The following RNF214 variants were observed in gnomAD, a reference collection of about 807,000 sequenced individuals.
The protein encoded by RNF214 is ring finger protein 214.
RNF214 carries 25 observed loss-of-function variants against 75.9 expected under a neutral mutation model. That is an observed-to-expected ratio of 0.33 (90% CI 0.24 to 0.46). The LOEUF is 0.46. Ranked by LOEUF, RNF214 falls within the 20% of genes least tolerant of loss-of-function variation. The probability of loss-of-function intolerance (pLI) is 1.00; values close to 1 mark genes in which losing one functional copy is unlikely to be tolerated. For synonymous variants in RNF214, 314 were observed against 308.8 expected (o/e 1.02, Z -0.18); for missense variants, 725 against 857.5 (o/e 0.85, Z 1.93).
At chr11:117,284,287 G>C (rs2034195890) in intron 14 of RNF214, among the ~76,000 whole-genome samples, 1 of 152,214 alleles carries the variant, frequency 6.6e-6, no homozygotes, top group African/African-American at 2.4e-5. Flanking sequence ...AGACTGACAA[G>C]TCATTCCTAT....
chr11:117,232,985 G>A (rs1035253620), intron 1 of RNF214, among the ~76,000 whole-genome samples: 1 of 151,998 alleles, frequency 6.6e-6, no homozygotes, highest in Admixed American at 6.5e-5. Flanking sequence ...GCAGTCCCCT[G>A]TGGGGGGTGG....
chr11:117,255,351 C>T (rs1249937651), intron 6 of RNF214, among the ~76,000 whole-genome samples: 1 of 152,142 alleles, frequency 6.6e-6, no homozygotes, highest in African/African-American at 2.4e-5. Context: ...CCATAGATGA[C>T]TCCACTTTTT....
In RNF214 at chr11:117,251,918, G is replaced by C. The variant is rs137909965; in HGVS notation, c.959+4970G>C. Among the ~76,000 whole-genome samples, 859 of 152,162 alleles carry C rather than the reference G, an allele frequency of 5.6e-3. 9 individuals carry two copies. The highest frequency in any genetic ancestry group is 8.8e-3 in the Non-Finnish European group (599 of 68,000). On this transcript the variant is annotated intron_variant, in intron 6 of 14. Coordinates refer to ENST00000300650, the MANE Select transcript of RNF214 (RefSeq NM_207343.4). ...GAGTCTCACTCTGTTGCCCAGGCAG[G>C]AGTGCAGTGGCACGATCTTGGCTCA...
At chr11:117,244,378 C>T (rs2033156758) in intron 4 of RNF214, 67 bp from the exon 5 acceptor site, 2 of 1,343,372 alleles carry the variant, frequency 1.5e-6, no homozygotes, top group Non-Finnish European at 2.1e-6. Context: ...ATGCCTTGGA[C>T]AGGCACTGGT....
Position 117,282,049 on chromosome 11 carries a change from C to A in RNF214, c.1491C>A (p.Ser497Arg). The change falls in exon 11 of 15, where the codon AGC becomes AGA. Residue 497 changes from serine (S) to arginine (R), a missense_variant. Transcript: ENST00000300650. ...TGAACCCTGCCCTTTCCCAGCCCAG[C>A]CAGCCTTCCTCACCCCTTCCTGGCT... ...PILNPALSQP[S>R]QPSSPLPGSH... is the part of the protein sequence containing the mutation. 6.2e-7 allele frequency: 1 copy of A among 1,614,056 alleles called. No homozygotes were observed. The highest frequency in any genetic ancestry group is 1.1e-5 in the South Asian group (1 of 91,072).
intron 4 of RNF214, among the ~76,000 whole-genome samples, chr11:117,244,008 G>A (rs1281333708): frequency 6.6e-6 from 1 of 152,196 alleles, no homozygotes; most frequent in East Asian, 1.9e-4. Flanking sequence ...TTGAGACAGA[G>A]TCTTGCTCTG....
chr11:117,248,615 TC>T (rs759177457), intron 6 of RNF214, among the ~76,000 whole-genome samples: 76 of 152,302 alleles, frequency 5.0e-4, no homozygotes, highest in Middle Eastern at 3.4e-3. Flanking sequence ...TGTAGACCAA[TC>T]AGTTGTTCTG....
chr11:117,239,783 A>G lies in RNF214; in HGVS notation c.619-18A>G, dbSNP rs1394305283. On this transcript the variant is annotated intron_variant, in intron 3 of 14. Transcript: ENST00000300650. ...AGTGTCTCTGAACGATTCTAAATAT[A>G]ACTTTTTTCCTTTATAGACTGACTT... 7.1e-7 allele frequency: 1 copy of G among 1,410,168 alleles called. No homozygotes were observed. Among genetic ancestry groups the G allele is most frequent in the Non-Finnish European group, 1.0e-6 (1 of 994,868 alleles). 87.4% of individuals were successfully genotyped at this position (1,410,168 alleles called of 1,614,324 possible). A position where few individuals can be genotyped will look rare whatever the true frequency, so the allele number is the denominator to read the frequency against.
chr11:117,267,739 A>AG (rs2033826013), intron 6 of RNF214, among the ~76,000 whole-genome samples: 4 of 151,738 alleles, frequency 2.6e-5, no homozygotes, highest in Admixed American at 2.6e-4. Flanking sequence ...AAAAAAAAAA[A>AG]AGGCTTATTT....
chr11:117,258,362 C>A (rs990653443), intron 6 of RNF214, among the ~76,000 whole-genome samples: 1 of 152,090 alleles, frequency 6.6e-6, no homozygotes, highest in African/African-American at 2.4e-5. Context: ...CCACCACGCC[C>A]AGCCCCGTCT....
At chr11:117,282,580 T>C in intron 12 of RNF214, 44 bp downstream of exon 12, 1 of 1,605,146 alleles carries the variant, frequency 6.2e-7, no homozygotes, top group Non-Finnish European at 8.5e-7. Context: ...TGTTGAGGGC[T>C]GGGGAAGAGG....
chr11:117,242,072 G>T (rs903063450), intron 4 of RNF214, among the ~76,000 whole-genome samples: 1 of 151,948 alleles, frequency 6.6e-6, no homozygotes, highest in South Asian at 2.1e-4. Flanking sequence ...TTTATCCCCA[G>T]ATAGTTGGCT....
intron 5 of RNF214, among the ~76,000 whole-genome samples, chr11:117,246,147 G>A (rs1344212710): frequency 1.3e-5 from 2 of 151,546 alleles, no homozygotes; most frequent in East Asian, 1.9e-4. Context: ...TTTATTTTTT[G>A]TGAGACAAGA....
Position 117,282,232 on chromosome 11 carries a change from C to T in RNF214, c.1674C>T (p.Ile558=), listed in dbSNP as rs770588747. The T allele has an allele frequency of 3.7e-6, 6 of 1,605,192 alleles. No homozygotes were observed. In the South Asian group the frequency reaches 4.4e-5, roughly 12 times the overall value. ...RPQPVDKLEK[I]LEKLLTRFPQ... is the part of the protein sequence containing the mutation. ...AACCAGTAGACAAACTGGAGAAGAT[C>T]CTGGAGAAGCTGCTGACCCGGTTCC... Residue 558 remains isoleucine, a synonymous_variant, in exon 11 of 15, where the codon ATC becomes ATT. Coordinates refer to ENST00000300650, the MANE Select transcript of RNF214 (RefSeq NM_207343.4).
chr11:117,280,589 T>C (rs912291975), intron 8 of RNF214, among the ~76,000 whole-genome samples: 9 of 152,204 alleles, frequency 5.9e-5, no homozygotes, highest in African/African-American at 2.2e-4. Context: ...GGAGGATCAC[T>C]TGTGCCCAGG....
intron 6 of RNF214, among the ~76,000 whole-genome samples, chr11:117,272,974 T>G (rs1029519281): frequency 2.0e-5 from 3 of 152,200 alleles, no homozygotes; most frequent in Non-Finnish European, 4.4e-5. Flanking sequence ...AATTTAATAT[T>G]TATGCATTAA....
At chr11:117,246,047 C>G (rs1479159195) in intron 5 of RNF214, among the ~76,000 whole-genome samples, 1 of 152,066 alleles carries the variant, frequency 6.6e-6, no homozygotes, top group Admixed American at 6.6e-5. Context: ...CTCACCGTAT[C>G]TTTGACTTTC....
chr11:117,264,111 A>G (rs1202267505), intron 6 of RNF214, among the ~76,000 whole-genome samples: 2 of 152,154 alleles, frequency 1.3e-5, no homozygotes, highest in African/African-American at 4.8e-5. Context: ...TCACGCGGTC[A>G]GGAGATCGAG....
chr11:117,270,560 T>TC (rs2033889635), intron 6 of RNF214, among the ~76,000 whole-genome samples: 1 of 128,674 alleles, frequency 7.8e-6, no homozygotes, highest in Non-Finnish European at 1.7e-5. Flanking sequence ...AGCCCCCCAC[T>TC]CCCCCACCCC....
Sources: gnomAD v4.1 joint callset for allele counts (sites outside exome capture counted in the v4.1 genomes callset) on GRCh38, gnomAD v4.1.1 for gene constraint, MANE v1.5 for transcripts, NCBI Gene and HGNC (gene_info 2026-07-23, HGNC 2026-07-21) for gene names.